TCTN3: variants seen among roughly 807,000 people sequenced by gnomAD.
TCTN3 encodes tectonic-3.
Under a neutral mutation model 71.3 loss-of-function variants are expected in TCTN3, and 57 were observed. That is an observed-to-expected ratio of 0.80 (90% CI 0.65 to 1.00). The LOEUF is 1.00. Among genes scored for constraint, TCTN3 ranks in the 50% least tolerant of loss-of-function variants. TCTN3 has a pLI of 0.00. For synonymous variants in TCTN3, 258 were observed against 267.8 expected (o/e 0.96, Z 0.36); for missense variants, 696 against 719.9 (o/e 0.97, Z 0.38).
chr10:95,671,843 GC>G (rs1417842885), intron 13 of TCTN3, among the ~76,000 whole-genome samples: 2 of 152,070 alleles, frequency 1.3e-5, no homozygotes, highest in Non-Finnish European at 2.9e-5. Flanking sequence ...TGATCCGCCC[GC>G]CTTGGTCTCC....
chr10:95,683,970 T>A (rs982688509), intron 9 of TCTN3, among the ~76,000 whole-genome samples: 1 of 118,280 alleles, frequency 8.5e-6, no homozygotes, highest in Non-Finnish European at 1.9e-5. Context: ...AATTAAAAAA[T>A]ATATATTTTA....
rs2097956474 is a variant in TCTN3, at chr10:95,693,917, C to A, written c.-18G>T. 3 of 1,551,514 alleles carry A rather than the reference C, an allele frequency of 1.9e-6. No individual in the cohort carries two copies. Among genetic ancestry groups the A allele is most frequent in the Non-Finnish European group, 1.7e-6 (2 of 1,146,980 alleles). Reference sequence around the variant, plus strand: ...GTGCGCATGGGGCATTCAGGGCCTCCGGGTCCGACGTAGGCCTCCGCGGTC... The same window carrying A: ...GTGCGCATGGGGCATTCAGGGCCTCAGGGTCCGACGTAGGCCTCCGCGGTC... On this transcript the variant is annotated 5_prime_UTR_variant, in exon 1 of 14. Coordinates refer to ENST00000371217, the MANE Select transcript of TCTN3 (RefSeq NM_015631.6).
chr10:95,682,767 T>C lies in TCTN3; in HGVS notation c.1336A>G (p.Ile446Val), dbSNP rs1166616898. 6.2e-7 allele frequency: 1 copy of C among 1,613,954 alleles called. No homozygotes were observed. Among genetic ancestry groups the C allele is most frequent in the African/African-American group, 1.3e-5 (1 of 74,916 alleles). ...KADCSHLQQE[I>V]YQTLHGRPRP... ...GGCCTTCCATGAAGAGTCTGATAAA[T>C]CTCCTGCTGCAAGTGGCTGCAGTCT... The change falls in exon 12 of 14, where the codon ATT (isoleucine) becomes GTT (valine). Residue 446 changes from isoleucine to valine, a missense_variant. Transcript: ENST00000371217.
chr10:95,682,995 G>T lies in TCTN3; in HGVS notation c.1298+106C>A, dbSNP rs2097944562. The T allele has an allele frequency of 1.5e-5, 20 of 1,294,974 alleles. No homozygotes were observed. In the Admixed American group the frequency reaches 3.4e-4, roughly 22 times the overall value. 80.2% of individuals were successfully genotyped at this position (1,294,974 alleles called of 1,614,324 possible). ...CTATTTAGACTAAAAGACTATTCCTGACTAGCATTTTCCGAACTGTCATTA... is the reference window on the plus strand; with the variant it reads ...CTATTTAGACTAAAAGACTATTCCTTACTAGCATTTTCCGAACTGTCATTA... On this transcript the variant is annotated intron_variant, in intron 11 of 13. Transcript: ENST00000371217.
intron 13 of TCTN3, among the ~76,000 whole-genome samples, chr10:95,670,017 T>C (rs905593004): frequency 1.4e-4 from 20 of 138,570 alleles, no homozygotes; most frequent in African/African-American, 5.2e-4. Flanking sequence ...TGAGCCGAGA[T>C]TGCGCCACTG....
intron 13 of TCTN3, among the ~76,000 whole-genome samples, chr10:95,675,828 T>C (rs1156481095): frequency 2.0e-5 from 3 of 152,248 alleles, no homozygotes; most frequent in Non-Finnish European, 4.4e-5. Context: ...TAATTATTGT[T>C]CCTTATCTTT....
rs1386147381 is a variant in TCTN3 at position 95,692,902 on chromosome 10, C to T, written c.499+18G>A. 2.6e-6 allele frequency: 4 copies of T among 1,558,150 alleles called. No individual in the cohort carries two copies. The highest frequency in any genetic ancestry group is 1.7e-4 in the Middle Eastern group (1 of 5,990). ...TCCTGTGTTAGAAAATGAGAACAAC[C>T]AACATGTTTCTACTCACAGTTGTTC... On this transcript the variant is annotated intron_variant, in intron 3 of 13. Transcript: ENST00000371217.
intron 13 of TCTN3, among the ~76,000 whole-genome samples, chr10:95,676,816 T>C (rs2097937639): frequency 6.6e-6 from 1 of 152,186 alleles, no homozygotes; most frequent in African/African-American, 2.4e-5. Flanking sequence ...AAGAGTAATA[T>C]TTACTGAATA....
chr10:95,665,893 A>G (rs911599410), intron 13 of TCTN3, among the ~76,000 whole-genome samples: 2 of 151,880 alleles, frequency 1.3e-5, no homozygotes, highest in African/African-American at 4.8e-5. Flanking sequence ...TTGTTTTTAA[A>G]TGGGTATTGA....
intron 13 of TCTN3, among the ~76,000 whole-genome samples, chr10:95,670,641 T>C (rs1274778740): frequency 2.6e-5 from 4 of 151,886 alleles, no homozygotes; most frequent in Admixed American, 1.3e-4. Flanking sequence ...ATGCTGGAAT[T>C]ACAAGTATGA....
intron 13 of TCTN3, among the ~76,000 whole-genome samples, chr10:95,676,842 G>A (rs557740804): frequency 1.1e-3 from 166 of 152,206 alleles, no homozygotes; most frequent in African/African-American, 3.6e-3. Context: ...TACGTACCAG[G>A]AACTGTGCTG....
intron 13 of TCTN3, among the ~76,000 whole-genome samples, chr10:95,668,255 C>CAAAA (rs374400684): frequency 1.6e-4 from 19 of 120,100 alleles, no homozygotes; most frequent in East Asian, 7.5e-4. Context: ...ATAGGAGTGC[C>CAAAA]AAAAAAAAAA....
Position 95,684,498 on chromosome 10 carries a change from C to A in TCTN3, c.1095+1G>T. 6.2e-7 allele frequency: 1 copy of A among 1,613,960 alleles called. No homozygotes were observed. Among genetic ancestry groups the A allele is most frequent in the Non-Finnish European group, 8.5e-7 (1 of 1,179,868 alleles). On this transcript the variant is annotated splice_donor_variant, in intron 9 of 13. Transcript: ENST00000371217. LOFTEE classifies it high-confidence loss of function. ...ATCCCCTATAAGAGAAGGGCCCTAA[C>A]CCTGAAGCGAAGGATGAAGTGTTGC...
chr10:95,686,567 T>C, intron 6 of TCTN3, 37 bp from the exon 7 acceptor site: 1 of 1,598,948 alleles, frequency 6.3e-7, no homozygotes. Context: ...TGCATATACC[T>C]TACCAAAAAT....
At position 95,664,243 on chromosome 10, in the gene TCTN3, TA is replaced by T. The variant is rs2139691832; in HGVS notation, c.1647del (p.Thr550ProfsTer55). 6.2e-7 allele frequency: 1 copy of T among 1,614,166 alleles called. No homozygotes were observed. On this transcript the variant is annotated frameshift_variant, in exon 14 of 14. Transcript: ENST00000371217. LOFTEE classifies it high-confidence loss of function. ...SLTTLVNFVD[I>X]TQKPQPPRGQ... ...CCCCTTGGAGGCTGTGGCTTCTGGG[TA>T]ATGTCCACAAAGTTCACAAGAGTTG... is the stretch of plus-strand genomic sequence containing the variant.
chr10:95,693,925 A>T lies in TCTN3; in HGVS notation c.-26T>A, dbSNP rs908900128. ...GGGGCATTCAGGGCCTCCGGGTCCG[A>T]CGTAGGCCTCCGCGGTCTCCAATCG... On this transcript the variant is annotated 5_prime_UTR_variant, in exon 1 of 14. Transcript: ENST00000371217. 1.7e-5 allele frequency: 27 copies of T among 1,551,362 alleles called. No individual in the cohort carries two copies. Among genetic ancestry groups the T allele is most frequent in the Non-Finnish European group, 2.1e-5 (24 of 1,146,944 alleles).
intron 13 of TCTN3, among the ~76,000 whole-genome samples, chr10:95,669,925 A>G (rs925977899): frequency 6.6e-6 from 1 of 151,046 alleles, no homozygotes; most frequent in African/African-American, 2.4e-5. Flanking sequence ...TAGCCGGGCG[A>G]GGTGGCGGGC....
In TCTN3 at chr10:95,683,130, T is replaced by C; in HGVS notation, c.1269A>G (p.Gly423=). 1.2e-6 allele frequency: 2 copies of C among 1,614,092 alleles called. No individual in the cohort carries two copies. The highest frequency in any genetic ancestry group is 3.3e-5 in the Admixed American group (2 of 60,022). The change falls in exon 11 of 14, where the codon GGA becomes GGG. Residue 423 remains glycine (G), a synonymous_variant. Coordinates refer to ENST00000371217, the MANE Select transcript of TCTN3 (RefSeq NM_015631.6). The stretch of plus-strand genomic sequence containing the variant: ...GCTTGCATCCAGATATTGCATTCAC[T>C]CCAAACTGCACTTCATGTCTTTTAA... The part of the protein sequence containing the change: ...CSVKRHEVQF[G]VNAISGCKLR...
At chr10:95,670,532 G>C (rs1308649316) in intron 13 of TCTN3, among the ~76,000 whole-genome samples, 7 of 151,020 alleles carry the variant, frequency 4.6e-5, no homozygotes, top group African/African-American at 9.8e-5. Context: ...CTAATTTTTT[G>C]TATATTTTTT....
Sources: gnomAD v4.1 joint callset for allele counts (sites outside exome capture counted in the v4.1 genomes callset) on GRCh38, gnomAD v4.1.1 for gene constraint, MANE v1.5 for transcripts, NCBI Gene and HGNC (gene_info 2026-07-23, HGNC 2026-07-21) for gene names.